RAB31: variants seen among roughly 807,000 people sequenced by gnomAD.
The protein encoded by RAB31 is ras-related protein Rab-31.
In RAB31, 21 loss-of-function variants were observed where a neutral mutation model predicts 25.6. The ratio of observed to expected loss-of-function variants is 0.82; its 90% CI spans 0.58 to 1.18. The LOEUF is 1.18. RAB31 is among the 50% of genes most tolerant of loss of function. The pLI, the probability that RAB31 is intolerant of heterozygous loss-of-function variation, is 0.00. For missense variants in RAB31, 196 were observed against 250.1 expected, an observed-to-expected ratio of 0.78 and a Z score of 1.46; for synonymous variants, 87 against 84.0, an observed-to-expected ratio of 1.04 and a Z score of -0.20.
chr18:9,795,671 A>G (rs1444537709), intron 3 of RAB31, among the ~76,000 whole-genome samples: 2 of 152,238 alleles, frequency 1.3e-5, no homozygotes, highest in Non-Finnish European at 2.9e-5. Context: ...TGAAAATCAA[A>G]ACCACAATAT....
chr18:9,857,430 A>G (rs1251670766), intron 6 of RAB31, among the ~76,000 whole-genome samples: 1 of 152,092 alleles, frequency 6.6e-6, no homozygotes, highest in Non-Finnish European at 1.5e-5. Context: ...ATTCCGTGCT[A>G]TCAGTGTGTG....
At chr18:9,825,868 C>G (rs2143098305) in intron 5 of RAB31, among the ~76,000 whole-genome samples, 1 of 152,236 alleles carries the variant, frequency 6.6e-6, no homozygotes, top group Non-Finnish European at 1.5e-5. Context: ...CATGTTCTTA[C>G]TTATAAGGGG....
chr18:9,837,819 T>C (rs1036033645), intron 5 of RAB31, among the ~76,000 whole-genome samples: 2 of 152,230 alleles, frequency 1.3e-5, no homozygotes, highest in African/African-American at 2.4e-5. Flanking sequence ...TGAACATTAA[T>C]ATACTTGTCA....
Position 9,766,693 on chromosome 18 carries a change from A to G in RAB31, c.40-8585A>G, listed in dbSNP as rs1381560734. On this transcript the variant is annotated intron_variant, in intron 1 of 6. Transcript: ENST00000578921. The surrounding 1 kb of genome is among the most constrained non-coding windows in gnomAD (Gnocchi z 4.3). ...GCATGTGGCTGGGCGCATGGCTCAC[A>G]CCGGTAATCTCAGCACTTTGGGAGG... Among the ~76,000 whole-genome samples, 1 of 152,158 alleles carries G rather than the reference A, an allele frequency of 6.6e-6. No homozygotes were observed. The highest frequency in any genetic ancestry group is 1.5e-5 in the Non-Finnish European group (1 of 68,032).
At chr18:9,849,612 C>T (rs1476802023) in intron 6 of RAB31, 1 of 152,500 alleles carries the variant, frequency 6.6e-6, no homozygotes, top group Non-Finnish European at 1.5e-5. Context: ...TGTCTGGTGA[C>T]TCTTGGTAAT....
At chr18:9,859,057 T>C (rs778563594) in intron 6 of RAB31, among the ~76,000 whole-genome samples, 171 bp from the exon 7 acceptor site, 1 of 151,488 alleles carries the variant, frequency 6.6e-6, no homozygotes. Context: ...GAGGAAAGGA[T>C]AGGAAGAAGG....
At chr18:9,792,761 G>A (rs915460123) in intron 3 of RAB31, among the ~76,000 whole-genome samples, 27 of 152,118 alleles carry the variant, frequency 1.8e-4, no homozygotes, top group African/African-American at 6.5e-4. Context: ...TGCCCCTACT[G>A]GTGGGATCTG....
chr18:9,719,890 G>A (rs920339170), intron 1 of RAB31, among the ~76,000 whole-genome samples: 2 of 151,974 alleles, frequency 1.3e-5, no homozygotes, highest in African/African-American at 4.8e-5. Flanking sequence ...ACTCCTTCCC[G>A]CCGTGCCACA....
chr18:9,777,684 A>C (rs2068379343), intron 2 of RAB31, among the ~76,000 whole-genome samples: 2 of 151,794 alleles, frequency 1.3e-5, no homozygotes, highest in Non-Finnish European at 2.9e-5. Flanking sequence ...GATGGAGGAG[A>C]GATTTGTGCC....
At chr18:9,801,027 C>T (rs981682874) in intron 3 of RAB31, among the ~76,000 whole-genome samples, 2 of 152,202 alleles carry the variant, frequency 1.3e-5, no homozygotes, top group Non-Finnish European at 2.9e-5. Flanking sequence ...TTTGCCTAAT[C>T]TGGACATTTC....
intron 1 of RAB31, among the ~76,000 whole-genome samples, chr18:9,727,507 G>A (rs916686669): frequency 6.6e-6 from 1 of 152,148 alleles, no homozygotes; most frequent in African/African-American, 2.4e-5. Context: ...TAGAGACAGT[G>A]TTCTCGTTAT....
Position 9,833,835 on chromosome 18 carries a change from CA to C in RAB31, c.381-11746del, listed in dbSNP as rs145543776. On this transcript the variant is annotated intron_variant, in intron 5 of 6. Transcript: ENST00000578921. ...GCTGGAATAAACCTTGGTTTTAAAA[CA>C]GTGCCAAAAGTGTCATAAAGTTCTT... Among the ~76,000 whole-genome samples, 1,405 of 152,268 alleles carry C rather than the reference CA, an allele frequency of 9.2e-3. 19 individuals carry two copies. Among genetic ancestry groups the C allele is most frequent in the African/African-American group, 0.032 (1,341 of 41,534 alleles).
chr18:9,811,541 C>T (rs565625847), intron 3 of RAB31, among the ~76,000 whole-genome samples: 34 of 152,312 alleles, frequency 2.2e-4, no homozygotes, highest in African/African-American at 8.2e-4. Context: ...GCTCTCTCCC[C>T]ACTGCCCAAT....
chr18:9,780,952 C>CAAAAA (rs1430139600), intron 2 of RAB31, among the ~76,000 whole-genome samples: 1 of 112,184 alleles, frequency 8.9e-6, no homozygotes, highest in East Asian at 1.9e-4. Flanking sequence ...CAAAACAAAA[C>CAAAAA]AGAACAAAAC....
At chr18:9,742,759 G>A (rs2068186204) in intron 1 of RAB31, among the ~76,000 whole-genome samples, 1 of 152,176 alleles carries the variant, frequency 6.6e-6, no homozygotes, top group South Asian at 2.1e-4. Flanking sequence ...CAGTGCAGAC[G>A]CCTTCTCCGG....
At chr18:9,761,559 C>G (rs2068288876) in intron 1 of RAB31, among the ~76,000 whole-genome samples, 2 of 152,158 alleles carry the variant, frequency 1.3e-5, no homozygotes, top group Non-Finnish European at 2.9e-5. Context: ...GGATCTCTTA[C>G]AACACTACAA....
chr18:9,804,722 T>A lies in RAB31; in HGVS notation c.202-9298T>A, dbSNP rs556354519. On this transcript the variant is annotated intron_variant, in intron 3 of 6. Coordinates refer to ENST00000578921, the MANE Select transcript of RAB31 (RefSeq NM_006868.4). ...CTGTTCCTGAGGCGCTGACAGCCTG[T>A]CCTAACAGAGGCAGCTGGGCTGCAG... 1.8e-4 allele frequency among the ~76,000 whole-genome samples: 28 copies of A among 152,286 alleles called. 1 individual carries two copies. In the South Asian group the frequency reaches 5.8e-3, roughly 32 times the overall value.
intron 2 of RAB31, 96 bp downstream of exon 2, chr18:9,775,453 GT>G: frequency 6.4e-7 from 1 of 1,555,422 alleles, no homozygotes; most frequent in South Asian, 1.2e-5. Context: ...CAGGGCCACA[GT>G]TTTCATCCCA....
At chr18:9,779,342 C>T (rs2068390205) in intron 2 of RAB31, among the ~76,000 whole-genome samples, 1 of 152,188 alleles carries the variant, frequency 6.6e-6, no homozygotes, top group Admixed American at 6.5e-5. Context: ...CTTCAATTTA[C>T]ATAACCAATA....
Sources: gnomAD v4.1 joint callset for allele counts (sites outside exome capture counted in the v4.1 genomes callset) on GRCh38, gnomAD v4.1.1 for gene constraint, Gnocchi (gnomAD v3.1) non-coding constraint, MANE v1.5 for transcripts, NCBI Gene and HGNC (gene_info 2026-07-23, HGNC 2026-07-21) for gene names.